Variants in FAM222B observed in about 807,000 individuals in gnomAD.
The protein encoded by FAM222B is protein FAM222B.
FAM222B carries 12 observed loss-of-function variants against 38.0 expected under a neutral mutation model. The ratio of observed to expected loss-of-function variants is 0.32; its 90% confidence interval spans 0.20 to 0.51. The LOEUF is 0.51. FAM222B is among the 20% of genes least tolerant of loss of function. FAM222B has a pLI of 0.97. For missense variants in FAM222B, 716 were observed against 754.2 expected (o/e 0.95, Z 0.59); for synonymous variants, 329 against 317.2 (o/e 1.04, Z -0.40).
intron 1 of FAM222B, among the ~76,000 whole-genome samples, chr17:28,810,373 C>G (rs753698343): frequency 6.6e-6 from 1 of 152,076 alleles, no homozygotes; most frequent in Non-Finnish European, 1.5e-5. Context: ...CTAGCTAACT[C>G]TGTTTTATAT....
chr17:28,853,105 A>G (rs1256452013), intron 1 of FAM222B, among the ~76,000 whole-genome samples: 1 of 151,788 alleles, frequency 6.6e-6, no homozygotes, highest in Non-Finnish European at 1.5e-5. Context: ...AGGCAGGAAA[A>G]TCACTTCAAC....
At chr17:28,831,835 A>G (rs1943434111) in intron 1 of FAM222B, among the ~76,000 whole-genome samples, 1 of 151,930 alleles carries the variant, frequency 6.6e-6, no homozygotes, top group Admixed American at 6.6e-5. Flanking sequence ...GACTTTTTAA[A>G]CTTTCCCACA....
intron 1 of FAM222B, among the ~76,000 whole-genome samples, chr17:28,801,799 CATA>C (rs2037243807): frequency 6.6e-6 from 1 of 151,938 alleles, no homozygotes; most frequent in South Asian, 2.1e-4. Flanking sequence ...CTATCCTTTA[CATA>C]ATAAGAATGA....
chr17:28,785,405 G>C (rs565920494), intron 1 of FAM222B, among the ~76,000 whole-genome samples: 1 of 152,236 alleles, frequency 6.6e-6, no homozygotes, highest in Non-Finnish European at 1.5e-5. Context: ...GAAAAACATT[G>C]AACGGTTCCA....
chr17:28,808,358 C>T (rs1397928932), intron 1 of FAM222B, among the ~76,000 whole-genome samples: 3 of 152,144 alleles, frequency 2.0e-5, no homozygotes, highest in African/African-American at 7.2e-5. Flanking sequence ...CATTCCAGTC[C>T]TTTATTTTGA....
At chr17:28,792,645 G>A (rs1402127933) in intron 1 of FAM222B, among the ~76,000 whole-genome samples, 1 of 152,032 alleles carries the variant, frequency 6.6e-6, no homozygotes, top group Non-Finnish European at 1.5e-5. Flanking sequence ...GCCAGGTGTG[G>A]TGGCATGTGC....
chr17:28,758,549 G>A lies in FAM222B; in HGVS notation c.1410C>T (p.Asp470=), dbSNP rs200850557. 2 of 1,610,164 alleles carry A rather than the reference G, an allele frequency of 1.2e-6. No individual in the cohort carries two copies. Among genetic ancestry groups the A allele is most frequent in the Non-Finnish European group, 1.7e-6 (2 of 1,179,844 alleles). Residue 470 remains aspartate, a synonymous_variant, in exon 3 of 3, where the codon GAC becomes GAT. Transcript: ENST00000581407. ...GCCCACCGTGGAACGGCATGGCAAG[G>A]TCCTGAGACCCCGAGCTGTCGCTAT... ...TPNSDSSGSQ[D]LAMPFHGGQP...
At chr17:28,794,473 G>C (rs2036846920) in intron 1 of FAM222B, among the ~76,000 whole-genome samples, 1 of 152,032 alleles carries the variant, frequency 6.6e-6, no homozygotes, top group African/African-American at 2.4e-5. Context: ...GCCCGCCTCA[G>C]CCTCCAAAAG....
At chr17:28,827,053 G>A (rs1474927182) in intron 1 of FAM222B, among the ~76,000 whole-genome samples, 2 of 151,650 alleles carry the variant, frequency 1.3e-5, no homozygotes, top group Non-Finnish European at 2.9e-5. Context: ...AGGCTGACAC[G>A]AGAGGATCAT....
At chr17:28,782,414 G>T (rs935907357) in intron 1 of FAM222B, among the ~76,000 whole-genome samples, 1 of 152,106 alleles carries the variant, frequency 6.6e-6, no homozygotes, top group Non-Finnish European at 1.5e-5. Context: ...CTGCAGTGCT[G>T]TTCATAATTA....
chr17:28,784,807 T>C (rs1415615711), intron 1 of FAM222B, among the ~76,000 whole-genome samples: 1 of 151,730 alleles, frequency 6.6e-6, no homozygotes, highest in African/African-American at 2.4e-5. Flanking sequence ...CAATATCCAA[T>C]GGCGTGAAAC....
chr17:28,845,405 A>G (rs9675286), upstream of FAM222B, among the ~76,000 whole-genome samples: 835 of 150,768 alleles, frequency 5.5e-3, 5 homozygotes, highest in African/African-American at 0.02. Flanking sequence ...ATCTCAAAAA[A>G]AAAAAATACA....
chr17:28,785,697 G>C (rs546402057), intron 1 of FAM222B, among the ~76,000 whole-genome samples: 1 of 151,112 alleles, frequency 6.6e-6, no homozygotes, highest in Non-Finnish European at 1.5e-5. Context: ...CACCATGCCC[G>C]GCTATTTTTT....
chr17:28,817,593 C>T (rs996560201), intron 1 of FAM222B, among the ~76,000 whole-genome samples: 1 of 152,022 alleles, frequency 6.6e-6, no homozygotes, highest in Non-Finnish European at 1.5e-5. Context: ...ATGGTGGTCG[C>T]CTATAATCCC....
chr17:28,840,729 G>T (rs1344634059), intron 1 of FAM222B, among the ~76,000 whole-genome samples: 1 of 152,126 alleles, frequency 6.6e-6, no homozygotes, highest in Non-Finnish European at 1.5e-5. Flanking sequence ...GGCTGGGGCG[G>T]GCGGATCACC....
intron 1 of FAM222B, among the ~76,000 whole-genome samples, chr17:28,795,853 T>C (rs772015809): frequency 1.3e-5 from 2 of 152,220 alleles, no homozygotes; most frequent in Non-Finnish European, 2.9e-5. Flanking sequence ...TATATTGCTA[T>C]GAATGACATT....
Position 28,779,190 on chromosome 17 carries a change from G to A in FAM222B, c.-40-12483C>T, listed in dbSNP as rs117325497. ...TACACTTCCAAACTCATTTTACGAC[G>A]TCGGCATTACCCTGATACCAAAGCG... On this transcript the variant is annotated intron_variant, in intron 1 of 2. Transcript: ENST00000581407. Among the ~76,000 whole-genome samples the A allele has an allele frequency of 5.5e-3, 842 of 152,040 alleles. 6 individuals carry two copies. The highest frequency in any genetic ancestry group is 0.01 in the Middle Eastern group (3 of 294).
chr17:28,805,766 G>GA (rs1371678052), intron 1 of FAM222B, among the ~76,000 whole-genome samples: 5 of 151,990 alleles, frequency 3.3e-5, no homozygotes, highest in African/African-American at 7.2e-5. Flanking sequence ...AATGACCAAA[G>GA]AAAAAAACAA....
At chr17:28,843,288 C>T (rs575241251), upstream of FAM222B, among the ~76,000 whole-genome samples, 3 of 150,890 alleles carry the variant, frequency 2.0e-5, no homozygotes, top group South Asian at 2.1e-4. Context: ...CAGGCATGCA[C>T]CACCACGCCC....
Sources: allele counts gnomAD v4.1 joint callset (sites outside exome capture counted in the v4.1 genomes callset), GRCh38; gene constraint gnomAD v4.1.1; transcripts MANE v1.5; gene names NCBI Gene and HGNC (gene_info 2026-07-23, HGNC 2026-07-21).